The following TAOK3 variants were observed in gnomAD, a reference collection of about 807,000 sequenced individuals.
The protein encoded by TAOK3 is TAO kinase 3, also known as serine/threonine-protein kinase TAO3.
In TAOK3, 40 loss-of-function variants were observed where a neutral mutation model predicts 120.4. The observed-to-expected ratio is 0.33, with a 90% CI of 0.26 to 0.43. The LOEUF (loss-of-function observed/expected upper bound fraction) is 0.43, where lower values mean the gene tolerates loss of function less well. Ranked by LOEUF, TAOK3 falls within the 20% of genes least tolerant of loss-of-function variation. The pLI is 1.00. For missense variants in TAOK3, 821 were observed against 1,112.1 expected (o/e 0.74, Z 3.72); for synonymous variants, 355 against 387.5 (o/e 0.92, Z 0.99).
intron 6 of TAOK3, 44 bp from the exon 7 acceptor site, chr12:118,238,213 T>G (rs752719688): frequency 1.7e-6 from 2 of 1,207,376 alleles, no homozygotes; most frequent in Non-Finnish European, 2.4e-6. Context: ...ATCAGTTTCA[T>G]TCCTCATTTT....
intron 1 of TAOK3, among the ~76,000 whole-genome samples, chr12:118,317,467 T>G (rs2043518258): frequency 6.6e-6 from 1 of 151,626 alleles, no homozygotes; most frequent in Non-Finnish European, 1.5e-5. Context: ...CCAAGCTAAT[T>G]TTTTGTATTT....
intron 12 of TAOK3, chr12:118,199,838 G>A (rs545803762): frequency 6.4e-5 from 10 of 156,304 alleles, no homozygotes; most frequent in African/African-American, 2.4e-4. Context: ...GCTTATCTCT[G>A]TAATCTTATT....
At chr12:118,324,766 A>T (rs1654442759) in intron 1 of TAOK3, among the ~76,000 whole-genome samples, 1 of 92,172 alleles carries the variant, frequency 1.1e-5, no homozygotes, top group South Asian at 3.6e-4. Context: ...TTTTTTTGAG[A>T]CGGAGTCTTG....
intron 9 of TAOK3, among the ~76,000 whole-genome samples, chr12:118,217,811 GTATACATA>G (rs1159834561): frequency 0.016 from 1,242 of 75,330 alleles, 40 homozygotes; most frequent in African/African-American, 0.033. Flanking sequence ...GTGTGTGTGT[GTATACATA>G]TATATATATA....
intron 19 of TAOK3, among the ~76,000 whole-genome samples, chr12:118,156,349 C>T (rs2138277095): frequency 6.6e-6 from 1 of 152,308 alleles, no homozygotes; most frequent in South Asian, 2.1e-4. Context: ...GATACCACAA[C>T]TTCTTGGTTT....
At chr12:118,184,440 A>C (rs184284494) in intron 14 of TAOK3, among the ~76,000 whole-genome samples, 65 of 152,354 alleles carry the variant, frequency 4.3e-4, no homozygotes, top group African/African-American at 1.5e-3. Context: ...CAATAAAATA[A>C]AAAATAATAG....
chr12:118,303,730 C>T (rs1005252951), intron 1 of TAOK3, among the ~76,000 whole-genome samples: 14 of 152,188 alleles, frequency 9.2e-5, no homozygotes, highest in African/African-American at 3.4e-4. Context: ...TCACTGCAAC[C>T]TCCACCTCCC....
At chr12:118,354,239 T>G (rs565036602) in intron 1 of TAOK3, among the ~76,000 whole-genome samples, 1 of 152,292 alleles carries the variant, frequency 6.6e-6, no homozygotes, top group Non-Finnish European at 1.5e-5. Flanking sequence ...GCCACAATAC[T>G]CTTGCACTTT....
intron 9 of TAOK3, among the ~76,000 whole-genome samples, chr12:118,226,390 C>T (rs1593222842): frequency 6.6e-6 from 1 of 150,922 alleles, no homozygotes; most frequent in African/African-American, 2.4e-5. Flanking sequence ...AAAAATTAGC[C>T]GGGCGTGGTG....
chr12:118,169,388 C>T (rs539568093), intron 17 of TAOK3, among the ~76,000 whole-genome samples: 5 of 143,344 alleles, frequency 3.5e-5, no homozygotes, highest in African/African-American at 1.0e-4. Flanking sequence ...ATGATCTCAG[C>T]TTACTGCAAG....
chr12:118,251,866 G>A (rs1375003690), intron 3 of TAOK3, among the ~76,000 whole-genome samples: 1 of 150,318 alleles, frequency 6.7e-6, no homozygotes, highest in Non-Finnish European at 1.5e-5. Context: ...CTGTCCCCCA[G>A]GCTGGAGTGC....
chr12:118,265,477 A>G (rs1394837360), intron 2 of TAOK3, among the ~76,000 whole-genome samples: 2 of 151,854 alleles, frequency 1.3e-5, no homozygotes, highest in Non-Finnish European at 2.9e-5. Flanking sequence ...AACTCAAAAG[A>G]GACAGGTAGG....
Position 118,366,832 on chromosome 12 carries a change from G to A in TAOK3, c.-194+5816C>T, listed in dbSNP as rs527803204. Among the ~76,000 whole-genome samples, 16 of 152,304 alleles carry A rather than the reference G, an allele frequency of 1.1e-4. No individual in the cohort carries two copies. The South Asian group carries it at 3.1e-3, about 30-fold the overall frequency. On this transcript the variant is annotated intron_variant, in intron 1 of 20. Transcript: ENST00000392533. ...AGGCCAGGCATGGTGGCTCACGCTT[G>A]TAGTCCCAGCACTCTGGGAGGCTGA... is the stretch of plus-strand genomic sequence containing the variant.
At chr12:118,293,121 AG>A (rs1566074875) in intron 1 of TAOK3, among the ~76,000 whole-genome samples, 1 of 152,234 alleles carries the variant, frequency 6.6e-6, no homozygotes, top group African/African-American at 2.4e-5. Context: ...ATTCTCTCAC[AG>A]GAACTGGAGA....
chr12:118,188,233 C>T (rs187895624), intron 14 of TAOK3, among the ~76,000 whole-genome samples: 1 of 152,184 alleles, frequency 6.6e-6, no homozygotes. Context: ...GGATAAAGGT[C>T]CAAGTCTCAC....
rs2045916693 is a variant in TAOK3, at chr12:118,372,132, ATTCTCTCTGGG to A, written c.-194+505_-194+515del. Among the ~76,000 whole-genome samples, 1 of 144,832 alleles carries A rather than the reference ATTCTCTCTGGG, an allele frequency of 6.9e-6. No homozygotes were observed. Among genetic ancestry groups the A allele is most frequent in the Non-Finnish European group, 1.5e-5 (1 of 66,514 alleles). Reference sequence around the variant, plus strand: ...GTCCCCTCTCTTTACTCTGTCCTGGATTCTCTCTGGGTCCCCTCCCCTCACCTCGGGGTCTC... The same window carrying A: ...GTCCCCTCTCTTTACTCTGTCCTGGATCCCCTCCCCTCACCTCGGGGTCTC... On this transcript the variant is annotated intron_variant, in intron 1 of 20. Coordinates refer to ENST00000392533, the MANE Select transcript of TAOK3 (RefSeq NM_016281.4). This position sits in a 1 kb window ranked among gnomAD's most constrained non-coding sequence, Gnocchi z 4.6.
chr12:118,274,577 A>G (rs2041840810), intron 1 of TAOK3, among the ~76,000 whole-genome samples: 1 of 152,162 alleles, frequency 6.6e-6, no homozygotes, highest in Non-Finnish European at 1.5e-5. Flanking sequence ...GAGGTTTAAG[A>G]TAAGAGACAG....
At chr12:118,280,748 T>A (rs565139145) in intron 1 of TAOK3, among the ~76,000 whole-genome samples, 1 of 152,380 alleles carries the variant, frequency 6.6e-6, no homozygotes, top group South Asian at 2.1e-4. Flanking sequence ...TCATTGGTAG[T>A]TTGATAGGAA....
chr12:118,216,445 C>T (rs752502463), intron 9 of TAOK3, among the ~76,000 whole-genome samples: 29 of 152,174 alleles, frequency 1.9e-4, no homozygotes, highest in Non-Finnish European at 3.7e-4. Context: ...CAAAAGAAAT[C>T]ATAAGCTCTA....
Sources: allele counts gnomAD v4.1 joint callset (sites outside exome capture counted in the v4.1 genomes callset), GRCh38; gene constraint gnomAD v4.1.1; non-coding constraint Gnocchi (gnomAD v3.1); transcripts MANE v1.5; gene names NCBI Gene and HGNC (gene_info 2026-07-23, HGNC 2026-07-21).